Variants in CDIN1 observed in about 807,000 individuals in gnomAD.
The protein encoded by CDIN1 is CDAN1-interacting nuclease 1.
In CDIN1, 33 loss-of-function variants were observed where a neutral mutation model predicts 45.3. The observed-to-expected ratio is 0.73, with a 90% CI of 0.55 to 0.97. The LOEUF is 0.97. Among genes scored for constraint, CDIN1 ranks in the 50% least tolerant of loss-of-function variants. The probability of loss-of-function intolerance (pLI) is 0.00; values close to 1 mark genes in which losing one functional copy is unlikely to be tolerated. For synonymous variants in CDIN1, 118 were observed against 124.4 expected (o/e 0.95, Z 0.34); for missense variants, 303 against 339.4 (o/e 0.89, Z 0.84).
At chr15:36,776,159 A>G (rs2054211902) in intron 10 of CDIN1, among the ~76,000 whole-genome samples, 1 of 152,244 alleles carries the variant, frequency 6.6e-6, no homozygotes, top group African/African-American at 2.4e-5. Flanking sequence ...TAGGTTTTTC[A>G]AGTACGACCC....
intron 1 of CDIN1, among the ~76,000 whole-genome samples, chr15:36,639,837 T>A (rs1049890220): frequency 3.3e-5 from 5 of 152,192 alleles, no homozygotes; most frequent in African/African-American, 4.8e-5. Context: ...ATTTGACCTA[T>A]AGTTATTAAG....
At chr15:36,666,168 TA>T (rs2041241454) in intron 5 of CDIN1, among the ~76,000 whole-genome samples, 1 of 152,186 alleles carries the variant, frequency 6.6e-6, no homozygotes. Context: ...GTAAATTTAC[TA>T]GGGGATAGAA....
intron 9 of CDIN1, 142 bp from the exon 10 acceptor site, chr15:36,709,711 GTGT>G (rs1307429188): frequency 3.3e-6 from 2 of 597,514 alleles, no homozygotes; most frequent in Non-Finnish European, 6.0e-6. Flanking sequence ...CATATACAGT[GTGT>G]TGTTTTGTAA....
chr15:36,777,072 G>A (rs2141042079), intron 10 of CDIN1, among the ~76,000 whole-genome samples: 1 of 151,960 alleles, frequency 6.6e-6, no homozygotes, highest in Middle Eastern at 3.4e-3. Context: ...ATTTACTGGG[G>A]AAAAAAATAC....
At chr15:36,766,281 T>C (rs2053922270) in intron 10 of CDIN1, among the ~76,000 whole-genome samples, 1 of 152,256 alleles carries the variant, frequency 6.6e-6, no homozygotes, top group South Asian at 2.1e-4. Flanking sequence ...ATGTATGTAC[T>C]ACGTATTCTT....
At chr15:36,593,016 C>A (rs902983717) in intron 1 of CDIN1, among the ~76,000 whole-genome samples, 1 of 152,130 alleles carries the variant, frequency 6.6e-6, no homozygotes, top group African/African-American at 2.4e-5. Context: ...TAAGTTTCTT[C>A]AGTTTTTGGT....
At chr15:36,583,846 C>T (rs1163433853) in intron 1 of CDIN1, among the ~76,000 whole-genome samples, 1 of 152,120 alleles carries the variant, frequency 6.6e-6, no homozygotes, top group African/African-American at 2.4e-5. Flanking sequence ...GAAACCCCGT[C>T]TCTACTAAAA....
intron 10 of CDIN1, among the ~76,000 whole-genome samples, chr15:36,750,842 A>G (rs2053440729): frequency 5.3e-5 from 8 of 152,148 alleles, no homozygotes; most frequent in Admixed American, 5.2e-4. Context: ...ACAAAGACCT[A>G]CAAAACTTAT....
chr15:36,593,632 C>T (rs1160587037), intron 1 of CDIN1, among the ~76,000 whole-genome samples: 3 of 152,094 alleles, frequency 2.0e-5, no homozygotes, highest in Admixed American at 6.5e-5. Context: ...GGCGTGATCT[C>T]GGCTCACTGC....
intron 10 of CDIN1, among the ~76,000 whole-genome samples, chr15:36,772,224 A>C (rs2054099545): frequency 6.6e-6 from 1 of 152,204 alleles, no homozygotes; most frequent in Non-Finnish European, 1.5e-5. Context: ...GGTGGTGTCA[A>C]AACATATTTA....
At chr15:36,603,309 G>A (rs2038202507) in intron 1 of CDIN1, among the ~76,000 whole-genome samples, 1 of 152,088 alleles carries the variant, frequency 6.6e-6, no homozygotes, top group Non-Finnish European at 1.5e-5. Context: ...TGTTTATAAG[G>A]CAGGCTTCTT....
chr15:36,691,283 A>T (rs1436980193), intron 5 of CDIN1: 120 of 463,344 alleles, frequency 2.6e-4, no homozygotes, highest in South Asian at 7.3e-4. Flanking sequence ...AGATTCAAAG[A>T]CTTCAGATCT....
chr15:36,796,291 G>A (rs530230534), intron 10 of CDIN1, among the ~76,000 whole-genome samples: 6 of 152,140 alleles, frequency 3.9e-5, no homozygotes, highest in Non-Finnish European at 8.8e-5. Context: ...GAACTTCAGG[G>A]CACAAATGCT....
intron 1 of CDIN1, among the ~76,000 whole-genome samples, chr15:36,629,981 G>A (rs572699926): frequency 1.3e-5 from 2 of 152,148 alleles, no homozygotes; most frequent in East Asian, 1.9e-4. Flanking sequence ...GTAAATATCT[G>A]GATTAAGTCT....
chr15:36,788,400 A>T (rs998375693), intron 10 of CDIN1, among the ~76,000 whole-genome samples: 11 of 151,984 alleles, frequency 7.2e-5, no homozygotes, highest in Admixed American at 1.3e-4. Flanking sequence ...TTATATTTTT[A>T]AAAAAACAGA....
intron 10 of CDIN1, among the ~76,000 whole-genome samples, chr15:36,761,713 C>T (rs2053767927): frequency 6.6e-6 from 1 of 152,194 alleles, no homozygotes; most frequent in Non-Finnish European, 1.5e-5. Flanking sequence ...GACAGCGAGG[C>T]ATCTTCTAAT....
intron 10 of CDIN1, among the ~76,000 whole-genome samples, chr15:36,798,011 T>C (rs1478201967): frequency 6.3e-5 from 8 of 126,356 alleles, no homozygotes; most frequent in Non-Finnish European, 9.7e-5. Flanking sequence ...CATTATATAG[T>C]AGAGAGTTAT....
chr15:36,796,596 C>G (rs1399256583), intron 10 of CDIN1, among the ~76,000 whole-genome samples: 1 of 152,228 alleles, frequency 6.6e-6, no homozygotes, highest in East Asian at 1.9e-4. Context: ...CAGTCCCCTA[C>G]CAGGCATCTG....
At chr15:36,751,044 A>C (rs2053445651) in intron 10 of CDIN1, among the ~76,000 whole-genome samples, 1 of 151,818 alleles carries the variant, frequency 6.6e-6, no homozygotes, top group Non-Finnish European at 1.5e-5. Context: ...ATAAATGAAC[A>C]ACCTTCTAAC....
Sources: allele counts gnomAD v4.1 joint callset (sites outside exome capture counted in the v4.1 genomes callset), GRCh38; gene constraint gnomAD v4.1.1; transcripts MANE v1.5; gene names NCBI Gene and HGNC (gene_info 2026-07-23, HGNC 2026-07-21).